Variants in NPAS3 observed in about 807,000 individuals in gnomAD.
The protein encoded by NPAS3 is neuronal PAS domain protein 3.
NPAS3 carries 14 observed loss-of-function variants against 73.1 expected under a neutral mutation model. The ratio of observed to expected loss-of-function variants is 0.19; its 90% CI spans 0.13 to 0.30. The LOEUF (loss-of-function observed/expected upper bound fraction) is 0.30. NPAS3 is among the 10% of genes least tolerant of loss of function. The pLI, the probability that NPAS3 is intolerant of heterozygous loss-of-function variation, is 1.00. For missense variants in NPAS3, 1,096 were observed against 1,250.0 expected (o/e 0.88, Z 1.86); for synonymous variants, 620 against 541.5 (o/e 1.14, Z -2.01).
Position 33,025,673 on chromosome 14 carries a change from G to A in NPAS3, c.51-30232G>A, listed in dbSNP as rs112150038. ...TAGATTTCCCCCTTACTGTTCTCAC[G>A]ATCCCGAGTAAATTCTCACGAGATC... On this transcript the variant is annotated intron_variant, in intron 1 of 11. Transcript: ENST00000356141. Among the ~76,000 whole-genome samples the A allele has an allele frequency of 6.7e-3, 1,013 of 152,202 alleles. 12 individuals are homozygous for A. Among genetic ancestry groups the A allele is most frequent in the African/African-American group, 0.023 (938 of 41,512 alleles).
intron 3 of NPAS3, among the ~76,000 whole-genome samples, chr14:33,362,024 G>A (rs2045627589): frequency 6.6e-6 from 1 of 152,054 alleles, no homozygotes. Context: ...TCATGTATGT[G>A]TTTTCATATA....
intron 3 of NPAS3, among the ~76,000 whole-genome samples, chr14:33,227,232 G>C (rs1475745073): frequency 6.6e-6 from 1 of 152,152 alleles, no homozygotes; most frequent in Non-Finnish European, 1.5e-5. Flanking sequence ...TCCTGAAGTT[G>C]CAGAAAAATC....
At position 33,544,820 on chromosome 14, in the gene NPAS3, AAT is replaced by A. The variant is rs1555409990; in HGVS notation, c.469-15294_469-15293del. ...TATATATATATATATATGTATATAT[AAT>A]ATATATGTGTATATATATATTATAT... On this transcript the variant is annotated intron_variant, in intron 4 of 11. Coordinates refer to ENST00000356141, the Ensembl canonical transcript of NPAS3. Among the ~76,000 whole-genome samples, 4 of 98,550 alleles carry A rather than the reference AAT, an allele frequency of 4.1e-5. 1 individual carries two copies. Among genetic ancestry groups the A allele is most frequent in the Non-Finnish European group, 5.6e-5 (3 of 53,620 alleles). 64.7% of individuals were successfully genotyped at this position (98,550 alleles called of 152,430 possible).
chr14:33,713,182 A>G (rs2060869756), intron 6 of NPAS3, among the ~76,000 whole-genome samples: 1 of 152,180 alleles, frequency 6.6e-6, no homozygotes, highest in African/African-American at 2.4e-5. Context: ...TTATCAACTC[A>G]ATTGATTTAC....
chr14:33,448,589 G>A lies in NPAS3; in HGVS notation c.468+81321G>A, dbSNP rs147859975. On this transcript the variant is annotated intron_variant, in intron 4 of 11. Transcript: ENST00000356141. ...TTACCAATTTAATGATGTTTCTGAT[G>A]ATCATTGTTCCTATTTGGCAAGATT... Among the ~76,000 whole-genome samples, 129 of 152,266 alleles carry A rather than the reference G, an allele frequency of 8.5e-4. 1 individual carries two copies. In the Middle Eastern group the frequency reaches 0.01, roughly 12 times the overall value.
At chr14:33,168,779 G>A (rs1236769787) in intron 2 of NPAS3, among the ~76,000 whole-genome samples, 1 of 151,898 alleles carries the variant, frequency 6.6e-6, no homozygotes, top group Non-Finnish European at 1.5e-5. Flanking sequence ...ATTCACGTTG[G>A]CCTTCCTCCT....
At chr14:33,123,412 C>T (rs1233661537) in intron 2 of NPAS3, among the ~76,000 whole-genome samples, 2 of 152,058 alleles carry the variant, frequency 1.3e-5, no homozygotes. Flanking sequence ...GTGCTGGTAA[C>T]ACAGGATAAT....
intron 6 of NPAS3, among the ~76,000 whole-genome samples, chr14:33,691,870 C>T (rs546543984): frequency 2.6e-5 from 4 of 152,294 alleles, no homozygotes; most frequent in Admixed American, 2.6e-4. Flanking sequence ...CAAATAGCTA[C>T]ATTGAGAATA....
At chr14:33,029,155 T>C (rs894215887) in intron 1 of NPAS3, among the ~76,000 whole-genome samples, 5 of 152,030 alleles carry the variant, frequency 3.3e-5, no homozygotes, top group Non-Finnish European at 5.9e-5. Context: ...GAAGGGAACA[T>C]AGGAGTGAGG....
chr14:33,767,914 A>G (rs1287642437), intron 7 of NPAS3, among the ~76,000 whole-genome samples: 1 of 152,202 alleles, frequency 6.6e-6, no homozygotes, highest in Non-Finnish European at 1.5e-5. Context: ...TATCACCAAC[A>G]GAAAACTGAA....
intron 3 of NPAS3, among the ~76,000 whole-genome samples, chr14:33,350,561 G>A (rs1383490350): frequency 6.6e-6 from 1 of 152,190 alleles, no homozygotes; most frequent in African/African-American, 2.4e-5. Flanking sequence ...TTCAAGAAGG[G>A]ATCACGCCTC....
At chr14:33,514,110 T>C (rs2053189173) in intron 4 of NPAS3, among the ~76,000 whole-genome samples, 1 of 152,058 alleles carries the variant, frequency 6.6e-6, no homozygotes, top group Admixed American at 6.6e-5. Context: ...ACTCACACAA[T>C]TGCAGTACAA....
intron 5 of NPAS3, among the ~76,000 whole-genome samples, chr14:33,620,175 C>T (rs1043539421): frequency 2.6e-5 from 4 of 152,054 alleles, no homozygotes; most frequent in South Asian, 2.1e-4. Context: ...TTATGCGCAC[C>T]GACGAGAAGA....
intron 1 of NPAS3, among the ~76,000 whole-genome samples, chr14:32,992,363 G>A: frequency 6.6e-6 from 1 of 152,164 alleles, no homozygotes; most frequent in Non-Finnish European, 1.5e-5. Context: ...GCCTATTTCT[G>A]TTCCGATATG....
At chr14:33,692,024 T>C (rs1190834269) in intron 6 of NPAS3, among the ~76,000 whole-genome samples, 1 of 152,162 alleles carries the variant, frequency 6.6e-6, no homozygotes, top group Non-Finnish European at 1.5e-5. Context: ...TTTTGTGAGA[T>C]AGTGAGCCCG....
intron 1 of NPAS3, among the ~76,000 whole-genome samples, chr14:33,048,029 A>G (rs1423168640): frequency 1.3e-5 from 2 of 152,230 alleles, no homozygotes; most frequent in Admixed American, 6.5e-5. Flanking sequence ...TAGGAATAAT[A>G]GTGCTTTTCA....
At chr14:33,707,766 C>T (rs2060697582) in intron 6 of NPAS3, among the ~76,000 whole-genome samples, 1 of 152,066 alleles carries the variant, frequency 6.6e-6, no homozygotes, top group Admixed American at 6.6e-5. Flanking sequence ...TTTCCTCTAG[C>T]CCTTCCAGAG....
At chr14:33,223,850 T>G in intron 3 of NPAS3, among the ~76,000 whole-genome samples, 1 of 152,070 alleles carries the variant, frequency 6.6e-6, no homozygotes, top group Admixed American at 6.6e-5. Flanking sequence ...AAAAAAAATT[T>G]TTTTTTGTTT....
chr14:33,279,038 G>T (rs564666840), intron 3 of NPAS3, among the ~76,000 whole-genome samples: 2 of 152,242 alleles, frequency 1.3e-5, no homozygotes, highest in East Asian at 3.9e-4. Flanking sequence ...AGTACCAGTG[G>T]TTCTCAAACT....
Sources: allele counts gnomAD v4.1 joint callset (sites outside exome capture counted in the v4.1 genomes callset), GRCh38; gene constraint gnomAD v4.1.1; transcripts MANE v1.5; gene names NCBI Gene and HGNC (gene_info 2026-07-23, HGNC 2026-07-21).